The following ZNF121 variants were observed in gnomAD, a reference collection of about 807,000 sequenced individuals.
ZNF121 encodes zinc finger protein 121.
A neutral mutation model predicts 2.4 loss-of-function variants in ZNF121; 1 was observed. That is an observed-to-expected ratio of 0.41 (90% CI 0.15 to 1.94). The LOEUF is 1.94. ZNF121 is among the 30% of genes most tolerant of loss of function. ZNF121 has a pLI of 0.30. For synonymous variants in ZNF121, 173 were observed against 158.6 expected (o/e 1.09, Z -0.68); for missense variants, 369 against 466.3 (o/e 0.79, Z 1.92).
chr19:9,568,110 T>C lies in ZNF121; in HGVS notation c.-13A>G, dbSNP rs947438692. 3.2e-6 allele frequency: 5 copies of C among 1,545,898 alleles called. No homozygotes were observed. In the African/African-American group the frequency reaches 6.8e-5, roughly 21 times the overall value. The stretch of plus-strand genomic sequence containing the variant: ...TTAATCTTACCATTTGTATGCCGTT[T>C]GATGTTTTGTTAAGCCAAAAAAAAA... On this transcript the variant is annotated 5_prime_UTR_variant, in exon 3 of 4. Coordinates refer to ENST00000320451, the MANE Select transcript of ZNF121 (RefSeq NM_001008727.5).
At chr19:9,574,271 T>G (rs2074194860) in intron 1 of ZNF121, among the ~76,000 whole-genome samples, 1 of 152,016 alleles carries the variant, frequency 6.6e-6, no homozygotes, top group Admixed American at 6.6e-5. Context: ...TCAGCCTCCC[T>G]AGTACCTGGG....
intron 1 of ZNF121, among the ~76,000 whole-genome samples, chr19:9,574,033 T>C (rs1471771408): frequency 9.4e-6 from 1 of 106,770 alleles, no homozygotes; most frequent in African/African-American, 6.3e-5. Context: ...CTTTCTTTTT[T>C]TTTTTTTTTT....
At chr19:9,577,411 T>TTGCAC (rs1359610296) in intron 1 of ZNF121, among the ~76,000 whole-genome samples, 1 of 151,418 alleles carries the variant, frequency 6.6e-6, no homozygotes, top group Non-Finnish European at 1.5e-5. Flanking sequence ...GACTGAGCCA[T>TTGCAC]TGCACTTCAG....
At chr19:9,571,117 T>G (rs1478151180) in intron 1 of ZNF121, among the ~76,000 whole-genome samples, 2 of 152,192 alleles carry the variant, frequency 1.3e-5, no homozygotes, top group Non-Finnish European at 2.9e-5. Context: ...CCACAAAATA[T>G]ATGTTAGGCA....
intron 1 of ZNF121, among the ~76,000 whole-genome samples, chr19:9,572,043 A>G (rs1476197020): frequency 6.6e-6 from 1 of 152,186 alleles, no homozygotes; most frequent in Non-Finnish European, 1.5e-5. Flanking sequence ...GATTACGGGC[A>G]TGAATCATTG....
rs993641874 is a variant in ZNF121 at position 9,561,004 on chromosome 19, G to A, written c.*4936C>T. ...GTAGCTTATATTTTAATCTAGGATT[G>A]AGCACGTGCTATTTTTGCAAGTGAT... is the stretch of plus-strand genomic sequence containing the variant. On this transcript the variant is annotated 3_prime_UTR_variant, in exon 4 of 4. Transcript: ENST00000320451. The A allele has an allele frequency of 2.6e-5, 4 of 152,160 alleles. No homozygotes were observed. The highest frequency in any genetic ancestry group is 9.7e-5 in the African/African-American group (4 of 41,416). 9.4% of individuals were successfully genotyped at this position (152,160 alleles called of 1,614,324 possible).
chr19:9,582,940 G>A (rs1055426104), intron 1 of ZNF121, among the ~76,000 whole-genome samples: 1 of 47,724 alleles, frequency 2.1e-5, no homozygotes, highest in Non-Finnish European at 3.6e-5. Flanking sequence ...TCCTGGCCAG[G>A]AGCGGAGGCT....
rs539331509 is a variant in ZNF121 at position 9,566,155 on chromosome 19, C to A, written c.958G>T (p.Ala320Ser). 6 of 1,614,058 alleles carry A rather than the reference C, an allele frequency of 3.7e-6. No homozygotes were observed. The East Asian group carries it at 8.9e-5, about 24-fold the overall frequency. ...KPYECKDCGK[A>S]FATSSQLIEH... ...ATGAGTTGTGAAGATGTAGCAAAGG[C>A]TTTCCCACAGTCCTTACATTCATAG... is the stretch of plus-strand genomic sequence containing the variant. The change falls in exon 4 of 4, where the codon GCC becomes TCC. Residue 320 changes from alanine to serine, a missense_variant. Ala to Ser is a moderately conservative substitution (Grantham distance 99, BLOSUM62 1). Around this residue, in one of 4 missense-constraint regions of ZNF121, gnomAD observed 127 missense variants for 169.9 expected, o/e 0.75. Transcript: ENST00000320451.
In ZNF121 at chr19:9,566,455, G is replaced by A. The variant is rs1568497597; in HGVS notation, c.658C>T (p.Arg220Ter). The part of the protein sequence containing the change: ...AGRSGLTKHV[R>*]IHTGEKPYEC... ...TAGGGCTTCTCTCCAGTGTGTATTCGTACATGTTTAGTAAGGCCTGAGCGC... is the reference window on the plus strand; with the variant it reads ...TAGGGCTTCTCTCCAGTGTGTATTCATACATGTTTAGTAAGGCCTGAGCGC... The change falls in exon 4 of 4, where the codon CGA (arginine) becomes TGA (stop). Residue 220 changes from arginine to a stop codon, truncating the protein, a stop_gained. Coordinates refer to ENST00000320451, the MANE Select transcript of ZNF121 (RefSeq NM_001008727.5). LOFTEE classifies it low-confidence loss of function (END_TRUNC). 3.7e-6 allele frequency: 6 copies of A among 1,613,730 alleles called. No individual in the cohort carries two copies. Among genetic ancestry groups the A allele is most frequent in the Non-Finnish European group, 5.1e-6 (6 of 1,179,886 alleles).
At chr19:9,568,761 T>A (rs1201756678) in intron 2 of ZNF121, among the ~76,000 whole-genome samples, 1 of 152,030 alleles carries the variant, frequency 6.6e-6, no homozygotes. Flanking sequence ...ATAGAAATGA[T>A]CTGGATAAAG....
rs780323995 is a variant in ZNF121 at position 9,567,076 on chromosome 19, A to G, written c.37T>C (p.Phe13Leu). The change falls in exon 4 of 4, where the codon TTT (phenylalanine) becomes CTT (leucine). Residue 13 changes from phenylalanine (F) to leucine (L), a missense_variant. Phe to Leu is a conservative substitution (Grantham distance 22, BLOSUM62 0). Coordinates refer to ENST00000320451, the MANE Select transcript of ZNF121 (RefSeq NM_001008727.5). ...CTGAAGATTTCTCCATTTTCCATAA[A>G]GTCACAGAGTTCCCCTCCATTGTGG... ...EIHNGGELCD[F>L]MENGEIFSEH... 7.4e-6 allele frequency: 12 copies of G among 1,613,412 alleles called. No homozygotes were observed. Among genetic ancestry groups the G allele is most frequent in the African/African-American group, 2.7e-5 (2 of 74,938 alleles).
intron 1 of ZNF121, among the ~76,000 whole-genome samples, chr19:9,580,849 C>T (rs770994258): frequency 6.6e-6 from 1 of 152,214 alleles, no homozygotes; most frequent in African/African-American, 2.4e-5. Flanking sequence ...TGCAGATTAA[C>T]TGTTTCTCTT....
At chr19:9,582,703 C>T (rs1474726991) in intron 1 of ZNF121, among the ~76,000 whole-genome samples, 4 of 149,332 alleles carry the variant, frequency 2.7e-5, no homozygotes, top group Non-Finnish European at 5.9e-5. Flanking sequence ...GAGCCGAGAT[C>T]GCACCTCTGC....
rs1166840316 is a variant in ZNF121, at chr19:9,565,818, T to C, written c.*122A>G. 1.4e-6 allele frequency: 1 copy of C among 721,958 alleles called. No homozygotes were observed. Among genetic ancestry groups the C allele is most frequent in the Non-Finnish European group, 2.2e-6 (1 of 457,694 alleles). The allele number at this position is 721,958 out of a possible 1,614,324, so 44.7% of individuals were successfully genotyped here. A position where few individuals can be genotyped will look rare whatever the true frequency, so the allele number is the denominator to read the frequency against. ...TGTCTTCGAAGTGAATGGGGATAACTGAAGGCCTCCTCACATTCTTTGTAC... is the reference window on the plus strand; with the variant it reads ...TGTCTTCGAAGTGAATGGGGATAACCGAAGGCCTCCTCACATTCTTTGTAC... On this transcript the variant is annotated 3_prime_UTR_variant, in exon 4 of 4. Coordinates refer to ENST00000320451, the MANE Select transcript of ZNF121 (RefSeq NM_001008727.5).
At chr19:9,578,581 A>T (rs2074227696) in intron 1 of ZNF121, among the ~76,000 whole-genome samples, 1 of 152,210 alleles carries the variant, frequency 6.6e-6, no homozygotes. Flanking sequence ...CAACAAAGGC[A>T]CCAAAAGCAT....
rs752820629 is a variant in ZNF121 at position 9,566,013 on chromosome 19, G to A, written c.1100C>T (p.Pro367Leu). ...KHVRIHTGEK[P>L]YICNECGKAY... ...TTTCCCACATTCGTTACATATATAG[G>A]GTTTCTCTCCAGTGTGAATTCTAAC... The change falls in exon 4 of 4, where the codon CCC (proline) becomes CTC (leucine). Residue 367 changes from proline to leucine, a missense_variant. Transcript: ENST00000320451. 6.2e-7 allele frequency: 1 copy of A among 1,613,058 alleles called. No individual in the cohort carries two copies. Among genetic ancestry groups the A allele is most frequent in the Non-Finnish European group, 8.5e-7 (1 of 1,179,646 alleles).
rs1172936209 is a variant in ZNF121 at position 9,560,598 on chromosome 19, C to T, written c.*5342G>A. ...GTGGAAATGGGTGTATTTGTCCTTTCGGAACTGGTTTATTTCACTTAGCAT... is the reference window on the plus strand; with the variant it reads ...GTGGAAATGGGTGTATTTGTCCTTTTGGAACTGGTTTATTTCACTTAGCAT... On this transcript the variant is annotated 3_prime_UTR_variant, in exon 4 of 4. Coordinates refer to ENST00000320451, the MANE Select transcript of ZNF121 (RefSeq NM_001008727.5). 2 of 152,146 alleles carry T rather than the reference C, an allele frequency of 1.3e-5. No homozygotes were observed. The highest frequency in any genetic ancestry group is 2.4e-5 in the African/African-American group (1 of 41,438). 9.4% of individuals were successfully genotyped at this position (152,146 alleles called of 1,614,324 possible).
rs1447594646 is a variant in ZNF121, at chr19:9,566,748, C to T, written c.365G>A (p.Gly122Glu). The T allele has an allele frequency of 6.2e-7, 1 of 1,614,154 alleles. No homozygotes were observed. The highest frequency in any genetic ancestry group is 1.1e-5 in the South Asian group (1 of 91,078). ...GCTTGTGGAGTAAGTAAAAGCTCTC[C>T]CACATTGCTTCTGTTCATAGAGTGT... ...GETLYEQKQC[G>E]RAFTYSTSHA... Residue 122 changes from glycine (G) to glutamate (E), a missense_variant, in exon 4 of 4, where the codon GGG (glycine) becomes GAG (glutamate). Physicochemically the swap from Gly to Glu is moderately conservative, Grantham distance 98. Coordinates refer to ENST00000320451, the MANE Select transcript of ZNF121 (RefSeq NM_001008727.5).
intron 1 of ZNF121, among the ~76,000 whole-genome samples, chr19:9,572,654 G>A (rs1171949714): frequency 6.6e-6 from 1 of 152,110 alleles, no homozygotes; most frequent in Non-Finnish European, 1.5e-5. Flanking sequence ...ATGCCCTTTA[G>A]GACTCCCTCA....
Sources: gnomAD v4.1 joint callset for allele counts (sites outside exome capture counted in the v4.1 genomes callset) on GRCh38, gnomAD v4.1.1 for gene constraint, gnomAD v4.1.1 regional missense constraint, MANE v1.5 for transcripts, NCBI Gene and HGNC (gene_info 2026-07-23, HGNC 2026-07-21) for gene names.